The following EIF2D variants were observed in gnomAD, a reference collection of about 807,000 sequenced individuals.
EIF2D encodes eukaryotic translation initiation factor 2D.
A neutral mutation model predicts 77.4 loss-of-function variants in EIF2D; 56 were observed. The ratio of observed to expected loss-of-function variants is 0.72; its 90% CI spans 0.58 to 0.90. EIF2D has a LOEUF of 0.90. EIF2D is among the 40% of genes least tolerant of loss of function. The probability of loss-of-function intolerance (pLI) is 0.00; values close to 1 mark genes in which losing one functional copy is unlikely to be tolerated. For missense variants in EIF2D, 574 were observed against 706.5 expected, an observed-to-expected ratio of 0.81 and a Z score of 2.13; for synonymous variants, 230 against 271.0, an observed-to-expected ratio of 0.85 and a Z score of 1.49.
In EIF2D at chr1:206,603,210, A is replaced by G; in HGVS notation, c.531-6T>C. 2.5e-6 allele frequency: 4 copies of G among 1,611,854 alleles called. No homozygotes were observed. Among genetic ancestry groups the G allele is most frequent in the Non-Finnish European group, 3.4e-6 (4 of 1,178,110 alleles). ...AGGACTTGTTTCCAGACCGCCTGGAAAAATCTCATGTCAGAAACATCAAGC... is the reference window on the plus strand; with the variant it reads ...AGGACTTGTTTCCAGACCGCCTGGAGAAATCTCATGTCAGAAACATCAAGC... On this transcript the variant is annotated splice_polypyrimidine_tract_variant and splice_region_variant and intron_variant, in intron 5 of 14. Coordinates refer to ENST00000271764, the MANE Select transcript of EIF2D (RefSeq NM_006893.3).
At chr1:206,606,484 T>G (rs1248021891) in intron 4 of EIF2D, among the ~76,000 whole-genome samples, 2 of 152,116 alleles carry the variant, frequency 1.3e-5, no homozygotes, top group East Asian at 3.8e-4. Context: ...CACCCCCATA[T>G]ACACTCTAAA....
In EIF2D at chr1:206,611,239, G is replaced by T; in HGVS notation, c.192C>A (p.Tyr64Ter). 1 of 1,614,138 alleles carries T rather than the reference G, an allele frequency of 6.2e-7. No individual in the cohort carries two copies. The highest frequency in any genetic ancestry group is 2.2e-5 in the East Asian group (1 of 44,876). Residue 64 changes from tyrosine to a stop codon, truncating the protein, a stop_gained, in exon 2 of 15, where the codon TAC becomes TAA. Coordinates refer to ENST00000271764, the MANE Select transcript of EIF2D (RefSeq NM_006893.3). LOFTEE classifies it high-confidence loss of function. ...AGAGGATGGGGTTACCACCACTCAC[G>T]TACACAGTCACTGCATCCCCTTTGT... ...YAHKGDAVTV[Y>*]VSGGNPILFE...
chr1:206,609,348 T>C (rs373047344), intron 3 of EIF2D, 28 bp downstream of exon 3: 31 of 1,600,672 alleles, frequency 1.9e-5, no homozygotes, highest in South Asian at 4.4e-5. Context: ...TTTCAGCCAA[T>C]AGCCAGAATA....
At chr1:206,587,161 GC>G (rs1558526248), downstream of EIF2D, 6 of 669,256 alleles carry the variant, frequency 9.0e-6, no homozygotes, top group Admixed American at 1.2e-4. Context: ...AGCTGTGCCC[GC>G]CCCCAGGCTG....
rs1670016295 is a variant in EIF2D, at chr1:206,603,189, C to T, written c.546G>A (p.Lys182=). ...GTGGAGCAATGGAAGGTGGAGAGGA[C>T]TTGTTTCCAGACCGCCTGGAAAAAT... ...YQDHLWRSGN[K]SSPPSIAPLA... Residue 182 remains lysine, a synonymous_variant, in exon 6 of 15, where the codon AAG becomes AAA. Transcript: ENST00000271764. 1.2e-6 allele frequency: 2 copies of T among 1,613,188 alleles called. No homozygotes were observed. Among genetic ancestry groups the T allele is most frequent in the Admixed American group, 1.7e-5 (1 of 59,974 alleles).
chr1:206,586,720 G>C, downstream of EIF2D: 1 of 847,564 alleles, frequency 1.2e-6, no homozygotes, highest in Non-Finnish European at 1.9e-6. Flanking sequence ...TGTGAATCAC[G>C]GATGTGAACT....
downstream of EIF2D, among the ~76,000 whole-genome samples, chr1:206,591,474 C>T (rs568291684): frequency 7.2e-5 from 11 of 152,138 alleles, no homozygotes; most frequent in South Asian, 4.2e-4. Flanking sequence ...CCCACCTGTC[C>T]GAACTCTGAA....
Position 206,598,983 on chromosome 1 carries a change from G to A in EIF2D, c.1292+20C>T, listed in dbSNP as rs1553410704. 6.2e-7 allele frequency: 1 copy of A among 1,611,490 alleles called. No individual in the cohort carries two copies. Among genetic ancestry groups the A allele is most frequent in the Non-Finnish European group, 8.5e-7 (1 of 1,177,690 alleles). ...GACAAAGACCCAATAAGACAGATCT[G>A]GTGCTTCTCATGCACTCACTTTTTG... On this transcript the variant is annotated intron_variant, in intron 11 of 14. Coordinates refer to ENST00000271764, the MANE Select transcript of EIF2D (RefSeq NM_006893.3).
intron 11 of EIF2D, 141 bp from the exon 12 acceptor site, chr1:206,597,336 T>A: frequency 1.6e-6 from 1 of 609,786 alleles, no homozygotes; most frequent in Admixed American, 2.8e-5. Context: ...CAAAAGGCAA[T>A]GTACCTTATG....
chr1:206,595,822 G>A lies in EIF2D; in HGVS notation c.1405C>T (p.Gln469Ter). The A allele has an allele frequency of 6.2e-7, 1 of 1,614,024 alleles. No individual in the cohort carries two copies. The highest frequency in any genetic ancestry group is 8.5e-7 in the Non-Finnish European group (1 of 1,179,940). The change falls in exon 13 of 15, where the codon CAG (glutamine) becomes TAG (stop). Residue 469 changes from glutamine to a stop codon, truncating the protein, a stop_gained. Coordinates refer to ENST00000271764, the MANE Select transcript of EIF2D (RefSeq NM_006893.3). LOFTEE classifies it high-confidence loss of function. ...GGAAGGGTCACTTGATAGGCAGGCT[G>A]TAATTTTTCCAAACACCTGAAACAG... Reference protein sequence around the residue: ...SLLTRCLEKLQPAYQVTLPGQ... With the variant: ...SLLTRCLEKL
In EIF2D at chr1:206,611,168, C is replaced by T. The variant is rs868906468; in HGVS notation, c.247+16G>A. On this transcript the variant is annotated intron_variant, in intron 2 of 14. Transcript: ENST00000271764. ...ACTACCTAATGGTAATGGCCATCTT[C>T]GTCCTGTTGTCATACCTGTTGGATA... 16 of 1,598,966 alleles carry T rather than the reference C, an allele frequency of 1.0e-5. No homozygotes were observed. The highest frequency in any genetic ancestry group is 1.3e-5 in the African/African-American group (1 of 74,682).
At position 206,585,006 on chromosome 1, in the gene EIF2D, C is replaced by A. The variant is rs369647130; in HGVS notation, c.139-3844G>T. 202 of 631,050 alleles carry A rather than the reference C, an allele frequency of 3.2e-4. 1 individual carries two copies. The East Asian group carries it at 5.1e-3, about 16-fold the overall frequency. The allele number at this position is 631,050 out of a possible 1,614,324, so 39.1% of individuals were successfully genotyped here. A position where few individuals can be genotyped will look rare whatever the true frequency, so the allele number is the denominator to read the frequency against. On this transcript the variant is annotated intron_variant and NMD_transcript_variant, in intron 2 of 5. Coordinates refer to the EIF2D transcript ENST00000472709. The stretch of plus-strand genomic sequence containing the variant: ...CATGCTTTAAACTCTGAGCAGACAC[C>A]CAAGATAAAAGGTTATTGCCCTGTT...
intron 2 of EIF2D, among the ~76,000 whole-genome samples, chr1:206,582,444 T>G (rs1373432112): frequency 6.6e-6 from 1 of 152,210 alleles, no homozygotes; most frequent in Non-Finnish European, 1.5e-5. Context: ...TAAACTTCTC[T>G]TAGTCTCAAT....
downstream of EIF2D, chr1:206,588,466 G>A (rs1367614060): frequency 6.6e-6 from 1 of 152,346 alleles, no homozygotes; most frequent in South Asian, 2.1e-4. Context: ...GAGGGAGAAG[G>A]ACTTGTAATT....
At chr1:206,582,450 T>C (rs1553406566) in intron 2 of EIF2D, among the ~76,000 whole-genome samples, 1 of 152,204 alleles carries the variant, frequency 6.6e-6, no homozygotes, top group Non-Finnish European at 1.5e-5. Flanking sequence ...TCTCTTAGTC[T>C]CAATAGTCTC....
chr1:206,612,456 C>G lies in EIF2D; in HGVS notation c.-114G>C. 1 of 1,391,262 alleles carries G rather than the reference C, an allele frequency of 7.2e-7. No individual in the cohort carries two copies. The highest frequency in any genetic ancestry group is 1.0e-6 in the Non-Finnish European group (1 of 990,466). The allele number at this position is 1,391,262 out of a possible 1,614,324, so 86.2% of individuals were successfully genotyped here. On this transcript the variant is annotated 5_prime_UTR_variant, in exon 1 of 15. Transcript: ENST00000271764. ...GGGGGCAGCCATGCTGGGGCCCGGCCGCGAAAAGGGCCCGGCTGGAAACCA... is the reference window on the plus strand; with the variant it reads ...GGGGGCAGCCATGCTGGGGCCCGGCGGCGAAAAGGGCCCGGCTGGAAACCA...
At chr1:206,582,225 CT>C (rs1453990686) in intron 2 of EIF2D, among the ~76,000 whole-genome samples, 4 of 152,218 alleles carry the variant, frequency 2.6e-5, no homozygotes, top group African/African-American at 9.7e-5. Context: ...GAATTCACCC[CT>C]GTATTGTCTC....
Position 206,584,259 on chromosome 1 carries a change from C to A in EIF2D, c.139-3097G>T. 1.1e-6 allele frequency: 1 copy of A among 875,302 alleles called. No individual in the cohort carries two copies. Among genetic ancestry groups the A allele is most frequent in the Non-Finnish European group, 1.7e-6 (1 of 576,808 alleles). The allele number at this position is 875,302 out of a possible 1,614,324, so 54.2% of individuals were successfully genotyped here. On this transcript the variant is annotated intron_variant and NMD_transcript_variant, in intron 2 of 5. Transcript: ENST00000472709. The surrounding 1 kb of genome is among the most constrained non-coding windows in gnomAD (Gnocchi z 4.9). ...TCTCTGCTCCTTCCTCCAGCTCTCC[C>A]ACGTCAGCAGAGGCAGGAAAGAACT...
At chr1:206,586,335 C>G (rs1421554420) in intron 2 of EIF2D, 2 of 157,428 alleles carry the variant, frequency 1.3e-5, no homozygotes, top group African/African-American at 2.4e-5. Flanking sequence ...TCATTATCTG[C>G]TCTGCCAGTC....
Sources: allele counts gnomAD v4.1 joint callset (sites outside exome capture counted in the v4.1 genomes callset), GRCh38; gene constraint gnomAD v4.1.1; non-coding constraint Gnocchi (gnomAD v3.1); transcripts MANE v1.5; gene names NCBI Gene and HGNC (gene_info 2026-07-23, HGNC 2026-07-21).